Variants in TEX9 observed in about 807,000 individuals in gnomAD.
TEX9 encodes the protein testis expressed 9, also known as testis-expressed protein 9.
Under a neutral mutation model 59.6 loss-of-function variants are expected in TEX9, and 74 were observed. The ratio of observed to expected loss-of-function variants is 1.24; its 90% CI spans 1.03 to 1.51. The LOEUF is 1.51. Ranked by LOEUF, TEX9 falls within the 40% of genes most tolerant of loss-of-function variation. The pLI, the probability that TEX9 is intolerant of heterozygous loss-of-function variation, is 0.00. For synonymous variants in TEX9, 186 were observed against 152.2 expected, an observed-to-expected ratio of 1.22 and a Z score of -1.64; for missense variants, 522 against 447.8, an observed-to-expected ratio of 1.17 and a Z score of -1.49.
chr15:56,416,337 T>G (rs1227576368), intron 10 of TEX9, among the ~76,000 whole-genome samples: 1 of 151,928 alleles, frequency 6.6e-6, no homozygotes, highest in Non-Finnish European at 1.5e-5. Context: ...CAGTATAATG[T>G]TGGCTGTGGG....
intron 1 of TEX9, among the ~76,000 whole-genome samples, chr15:56,314,526 A>T (rs1211321941): frequency 1.4e-5 from 2 of 146,062 alleles, no homozygotes; most frequent in East Asian, 4.1e-4. Flanking sequence ...AGTTTGTTAT[A>T]ATTTCTGTTC....
At chr15:56,291,978 TGTG>T (rs2045105211) in intron 1 of TEX9, among the ~76,000 whole-genome samples, 1 of 152,350 alleles carries the variant, frequency 6.6e-6, no homozygotes, top group Admixed American at 6.5e-5. Context: ...AGCTTGCTAA[TGTG>T]GTGACATGGC....
chr15:56,268,529 C>T (rs2044445954), intron 1 of TEX9, among the ~76,000 whole-genome samples: 1 of 152,168 alleles, frequency 6.6e-6, no homozygotes, highest in Non-Finnish European at 1.5e-5. Flanking sequence ...GCGTTTTTAG[C>T]ATGAAGAGCT....
At chr15:56,438,649 C>G (rs1596257929) in intron 12 of TEX9, among the ~76,000 whole-genome samples, 1 of 152,146 alleles carries the variant, frequency 6.6e-6, no homozygotes, top group African/African-American at 2.4e-5. Context: ...CAAATGGGAT[C>G]TAATTAAACT....
At chr15:56,291,570 A>G (rs2045093727) in intron 1 of TEX9, among the ~76,000 whole-genome samples, 1 of 152,190 alleles carries the variant, frequency 6.6e-6, no homozygotes, top group Admixed American at 6.5e-5. Context: ...TGGTGAGAAT[A>G]CTTAAAGTCT....
exon 1 of TEX9, chr15:56,365,463 A>G (rs2046892333): frequency 2.5e-6 from 4 of 1,612,938 alleles, no homozygotes; most frequent in African/African-American, 2.7e-5. Context: ...GGCGGGGCGA[A>G]GTCTGTGTCT....
At chr15:56,289,465 A>G (rs1356705391) in intron 1 of TEX9, among the ~76,000 whole-genome samples, 6 of 152,116 alleles carry the variant, frequency 3.9e-5, no homozygotes, top group Non-Finnish European at 7.3e-5. Flanking sequence ...AGGGTTCCAG[A>G]TGTGTAGTGT....
the TEX9 span, among the ~76,000 whole-genome samples, chr15:56,453,443 C>G: frequency 1.3e-5 from 2 of 152,202 alleles, no homozygotes; most frequent in Non-Finnish European, 2.9e-5. Context: ...TATGAATTAA[C>G]AGCTTGATTA....
At chr15:56,391,372 A>G (rs758468043) in exon 7 of TEX9, 3 of 1,579,286 alleles carry the variant, frequency 1.9e-6, no homozygotes, top group Non-Finnish European at 1.7e-6. Flanking sequence ...GCTTACCTGA[A>G]TATATAGATG....
intron 12 of TEX9, among the ~76,000 whole-genome samples, chr15:56,433,344 G>C (rs557191171): frequency 1.2e-4 from 19 of 152,014 alleles, no homozygotes; most frequent in Non-Finnish European, 5.9e-5. Flanking sequence ...GGGTTGATAG[G>C]TGCAGCAAAC....
intron 1 of TEX9, among the ~76,000 whole-genome samples, chr15:56,251,198 T>G (rs766433230): frequency 2.8e-4 from 42 of 152,214 alleles, no homozygotes; most frequent in Non-Finnish European, 5.9e-4. Context: ...TCTCCTGAAG[T>G]TATGCCAGTG....
Position 56,426,622 on chromosome 15 carries a change from T to TAC in TEX9, c.964-982_964-981insCA, listed in dbSNP as rs1310153960. 1.7e-4 allele frequency among the ~76,000 whole-genome samples: 10 copies of TAC among 58,070 alleles called. 1 individual carries two copies. The highest frequency in any genetic ancestry group is 5.8e-4 in the South Asian group (1 of 1,714). The allele number at this position is 58,070 out of a possible 152,430, so 38.1% of individuals were successfully genotyped here. A position where few individuals can be genotyped will look rare whatever the true frequency, so the allele number is the denominator to read the frequency against. On this transcript the variant is annotated intron_variant, in intron 10 of 12. Coordinates refer to ENST00000352903, the Ensembl canonical transcript of TEX9. ...ATATATATATATATATATATATATA[T>TAC]ATATACACACACACAAACACACACA...
intron 1 of TEX9, among the ~76,000 whole-genome samples, chr15:56,335,496 G>C (rs962562463): frequency 9.9e-5 from 15 of 152,060 alleles, no homozygotes; most frequent in Non-Finnish European, 1.6e-4. Flanking sequence ...TGGTTACCAG[G>C]GGCTGGGAAG....
chr15:56,429,409 C>G (rs1409900991), intron 12 of TEX9: 8 of 421,602 alleles, frequency 1.9e-5, no homozygotes, highest in Non-Finnish European at 2.1e-5. Flanking sequence ...TCTGATTTAT[C>G]AGCTCTAGTG....
At chr15:56,272,101 G>A (rs371602925) in intron 1 of TEX9, among the ~76,000 whole-genome samples, 7 of 151,318 alleles carry the variant, frequency 4.6e-5, no homozygotes, top group Admixed American at 2.0e-4. Context: ...CTGAGATCGC[G>A]CCACTGCAGT....
At chr15:56,398,283 TA>T (rs2048578078) in intron 9 of TEX9, 1 of 152,226 alleles carries the variant, frequency 6.6e-6, no homozygotes, top group African/African-American at 2.4e-5. Context: ...GTTGAAATAA[TA>T]TTTGAATATA....
At chr15:56,451,106 A>G in the TEX9 span, among the ~76,000 whole-genome samples, 1 of 152,172 alleles carries the variant, frequency 6.6e-6, no homozygotes, top group South Asian at 2.1e-4. Context: ...AGAGTTCTTT[A>G]TATATTTCAG....
intron 3 of TEX9, among the ~76,000 whole-genome samples, chr15:56,383,521 G>T (rs1296385638): frequency 6.6e-6 from 1 of 152,058 alleles, no homozygotes; most frequent in Non-Finnish European, 1.5e-5. Flanking sequence ...TTTTACCCCT[G>T]ATACTTCACT....
chr15:56,406,590 C>T lies in TEX9; in HGVS notation c.829-5712C>T, dbSNP rs1290211544. On this transcript the variant is annotated intron_variant, in intron 9 of 12. Coordinates refer to ENST00000352903, the Ensembl canonical transcript of TEX9. ...GCAATATATGAGAATTAGAGTTACT[C>T]TGTATCATCACCAACACTTGGGATT... Among the ~76,000 whole-genome samples, 3 of 152,152 alleles carry T rather than the reference C, an allele frequency of 2.0e-5. No individual in the cohort carries two copies. The East Asian group carries it at 5.8e-4, about 29-fold the overall frequency.
Sources: gnomAD v4.1 joint callset for allele counts (sites outside exome capture counted in the v4.1 genomes callset) on GRCh38, gnomAD v4.1.1 for gene constraint, MANE v1.5 for transcripts, NCBI Gene and HGNC (gene_info 2026-07-23, HGNC 2026-07-21) for gene names.